DIAPH2: variants seen among roughly 807,000 people sequenced by gnomAD.
DIAPH2 encodes protein diaphanous homolog 2.
In DIAPH2, 35 loss-of-function variants were observed where a neutral mutation model predicts 92.7. The observed-to-expected ratio is 0.38, with a 90% CI of 0.29 to 0.50. The LOEUF (loss-of-function observed/expected upper bound fraction) is 0.50, where lower values mean the gene tolerates loss of function less well. Among genes scored for constraint, DIAPH2 ranks in the 20% least tolerant of loss-of-function variants. The pLI is 0.94. For missense variants in DIAPH2, 701 were observed against 819.5 expected (o/e 0.86, Z 1.77); for synonymous variants, 301 against 280.4 (o/e 1.07, Z -0.73).
chrX:96,725,169 T>G (rs1296537751), intron 1 of DIAPH2, among the ~76,000 whole-genome samples: 1 of 112,334 alleles, frequency 8.9e-6, no homozygotes, highest in Non-Finnish European at 1.9e-5. Context: ...GTGATATTAT[T>G]TGTAAAACAC....
At chrX:97,297,888 AC>A (rs35530074) in intron 23 of DIAPH2, among the ~76,000 whole-genome samples, 2 of 110,343 alleles carry the variant, frequency 1.8e-5, no homozygotes, top group African/African-American at 6.6e-5. Context: ...TACTACAGTT[AC>A]CCCCTCCATA....
At chrX:97,250,095 C>T (rs1460483080) in intron 23 of DIAPH2, among the ~76,000 whole-genome samples, 1 of 110,519 alleles carries the variant, frequency 9.0e-6, no homozygotes, top group Non-Finnish European at 1.9e-5. Context: ...GAAACTCCGT[C>T]TCAAAAAAAA....
At chrX:97,306,048 GAA>G (rs11442631) in intron 23 of DIAPH2, among the ~76,000 whole-genome samples, 8 of 98,599 alleles carry the variant, frequency 8.1e-5, no homozygotes, top group African/African-American at 3.0e-4. Flanking sequence ...AAAGTATAAA[GAA>G]AAAAAAAAAA....
Position 96,794,232 on chromosome X carries a change from C to T in DIAPH2, c.447+35974C>T, listed in dbSNP as rs938737492. ...CCATCCTCATGAAATAGTTGCCTCC[C>T]CAACGGCCCTAACTCTTAATACTAT... On this transcript the variant is annotated intron_variant, in intron 4 of 26. Transcript: ENST00000324765. Among the ~76,000 whole-genome samples, 4 of 111,074 alleles carry T rather than the reference C, an allele frequency of 3.6e-5. No individual in the cohort carries two copies. The East Asian group carries it at 8.5e-4, about 24-fold the overall frequency.
rs149306112 is a variant in DIAPH2 at position 96,989,968 on chromosome X, A to C, written c.2050+24761A>C. ...ATATGTATGTGGAAGGGTAATCAACATTGTTTTAATGTCTTATGCTAAGTT... is the reference window on the plus strand; with the variant it reads ...ATATGTATGTGGAAGGGTAATCAACCTTGTTTTAATGTCTTATGCTAAGTT... On this transcript the variant is annotated intron_variant, in intron 17 of 26. Coordinates refer to ENST00000324765, the MANE Select transcript of DIAPH2 (RefSeq NM_006729.5). Among the ~76,000 whole-genome samples the C allele has an allele frequency of 7.6e-3, 856 of 112,208 alleles. 8 individuals are homozygous for C. Among genetic ancestry groups the C allele is most frequent in the African/African-American group, 0.026 (817 of 30,929 alleles).
intron 26 of DIAPH2, among the ~76,000 whole-genome samples, chrX:97,551,603 A>G (rs1307301566): frequency 9.1e-6 from 1 of 110,086 alleles, no homozygotes; most frequent in Non-Finnish European, 1.9e-5. Context: ...TTTAAAAAAA[A>G]AAAAAAATTA....
intron 4 of DIAPH2, among the ~76,000 whole-genome samples, chrX:96,812,311 G>A (rs1216517261): frequency 8.9e-6 from 1 of 112,121 alleles, no homozygotes; most frequent in Non-Finnish European, 1.9e-5. Context: ...TTTGCATAGA[G>A]GTGTTTATAG....
At chrX:97,589,562 G>A (rs1049914126) in intron 26 of DIAPH2, among the ~76,000 whole-genome samples, 1 of 110,709 alleles carries the variant, frequency 9.0e-6, no homozygotes, top group African/African-American at 3.3e-5. Context: ...ATGTTTGTAG[G>A]TTCCCTGTTT....
Position 97,515,220 on chromosome X carries a change from T to G in DIAPH2, c.3242-84033T>G, listed in dbSNP as rs1195889059. Among the ~76,000 whole-genome samples the G allele has an allele frequency of 2.7e-5, 3 of 112,329 alleles. No homozygotes were observed. The South Asian group carries it at 1.1e-3, about 42-fold the overall frequency. ...CGGGATATAATCTCGTGGTGCACCG[T>G]TTTTTAAGCCCGTCGGAAAAGCGCA... On this transcript the variant is annotated intron_variant, in intron 26 of 26. Transcript: ENST00000324765.
At chrX:97,386,277 G>A (rs1462943110) in intron 25 of DIAPH2, among the ~76,000 whole-genome samples, 2 of 112,148 alleles carry the variant, frequency 1.8e-5, no homozygotes, top group Non-Finnish European at 3.8e-5. Context: ...AACTGGTCAT[G>A]ACTGAGGTCA....
Position 97,429,746 on chromosome X carries a change from G to A in DIAPH2, c.3241+1G>A. ...CGAAAGCGGATTCCAAGGAATCCAG[G>A]TAAAACACATTCCACCTCACATAGT... is the stretch of plus-strand genomic sequence containing the variant. On this transcript the variant is annotated splice_donor_variant, in intron 26 of 26. Coordinates refer to ENST00000324765, the MANE Select transcript of DIAPH2 (RefSeq NM_006729.5). LOFTEE classifies it high-confidence loss of function. 1 of 1,201,177 alleles carries A rather than the reference G, an allele frequency of 8.3e-7. No individual in the cohort carries two copies. Among genetic ancestry groups the A allele is most frequent in the South Asian group, 1.8e-5 (1 of 55,773 alleles).
chrX:96,740,963 C>T (rs1359283502), intron 3 of DIAPH2, among the ~76,000 whole-genome samples: 1 of 110,820 alleles, frequency 9.0e-6, no homozygotes, highest in Non-Finnish European at 1.9e-5. Flanking sequence ...CTGCTGATGA[C>T]CTTGCTGCTT....
At chrX:97,452,102 T>C (rs574813894) in intron 26 of DIAPH2, among the ~76,000 whole-genome samples, 2 of 111,354 alleles carry the variant, frequency 1.8e-5, no homozygotes, top group South Asian at 7.5e-4. Flanking sequence ...TTTGCTTGGA[T>C]AGATTGAAGC....
At chrX:97,318,806 A>T (rs745364589) in intron 23 of DIAPH2, among the ~76,000 whole-genome samples, 2 of 111,166 alleles carry the variant, frequency 1.8e-5, no homozygotes, top group Admixed American at 1.9e-4. Context: ...TCAAGATGTC[A>T]TGTCATCCTT....
chrX:97,005,375 T>G (rs2066173545), intron 17 of DIAPH2, among the ~76,000 whole-genome samples: 1 of 108,411 alleles, frequency 9.2e-6, no homozygotes, highest in African/African-American at 3.4e-5. Context: ...TTGGTATGAA[T>G]TCTTCTTTAA....
chrX:97,160,446 GATTTT>G (rs768428817), intron 22 of DIAPH2, among the ~76,000 whole-genome samples: 122 of 111,909 alleles, frequency 1.1e-3, no homozygotes, highest in African/African-American at 3.9e-3. Flanking sequence ...AACCTAGTTG[GATTTT>G]ATTTTATTTT....
intron 1 of DIAPH2, among the ~76,000 whole-genome samples, chrX:96,707,849 G>A (rs1280335259): frequency 1.8e-5 from 2 of 111,200 alleles, no homozygotes; most frequent in South Asian, 3.8e-4. Context: ...TTAGTTCTGC[G>A]GATGCTAGGA....
chrX:96,980,365 A>G (rs1167673095), intron 17 of DIAPH2, among the ~76,000 whole-genome samples: 1 of 110,912 alleles, frequency 9.0e-6, no homozygotes, highest in Admixed American at 9.6e-5. Context: ...AGTCCTGCCA[A>G]TCAAGCCGTC....
chrX:97,128,785 G>A (rs1475836248), intron 21 of DIAPH2, among the ~76,000 whole-genome samples: 1 of 112,042 alleles, frequency 8.9e-6, no homozygotes, highest in Non-Finnish European at 1.9e-5. Context: ...TAGAGCCTTT[G>A]TGTTACTTTG....
Sources: allele counts gnomAD v4.1 joint callset (sites outside exome capture counted in the v4.1 genomes callset), GRCh38; gene constraint gnomAD v4.1.1; transcripts MANE v1.5; gene names NCBI Gene and HGNC (gene_info 2026-07-23, HGNC 2026-07-21).